Variants in PPARGC1A observed in about 807,000 individuals in gnomAD.
PPARGC1A encodes the protein PPARG coactivator 1 alpha, also known as peroxisome proliferator-activated receptor gamma coactivator 1-alpha.
Under a neutral mutation model 88.7 loss-of-function variants are expected in PPARGC1A, and 25 were observed. The observed-to-expected ratio is 0.28, with a 90% confidence interval of 0.21 to 0.39. PPARGC1A has a LOEUF of 0.39. Among genes scored for constraint, PPARGC1A ranks in the 10% least tolerant of loss-of-function variants. The pLI is 1.00. For synonymous variants in PPARGC1A, 363 were observed against 355.6 expected, an observed-to-expected ratio of 1.02 and a Z score of -0.24; for missense variants, 880 against 968.7, an observed-to-expected ratio of 0.91 and a Z score of 1.22.
the PPARGC1A span, among the ~76,000 whole-genome samples, chr4:24,284,300 C>T: frequency 3.2e-4 from 49 of 152,044 alleles, no homozygotes; most frequent in African/African-American, 1.1e-3. Context: ...CAGAGCGAGA[C>T]TCCATCTCAA....
the PPARGC1A span, among the ~76,000 whole-genome samples, chr4:24,414,859 A>G: frequency 6.6e-6 from 1 of 152,170 alleles, no homozygotes; most frequent in East Asian, 1.9e-4. Flanking sequence ...TGGCTAGAGC[A>G]CAAGCAGCCA....
At chr4:24,444,344 T>A in the PPARGC1A span, among the ~76,000 whole-genome samples, 1 of 152,104 alleles carries the variant, frequency 6.6e-6, no homozygotes, top group Non-Finnish European at 1.5e-5. Flanking sequence ...CATCAGAGGC[T>A]TTTTAAACAA....
the PPARGC1A span, among the ~76,000 whole-genome samples, chr4:24,276,835 G>C: frequency 6.6e-6 from 1 of 152,156 alleles, no homozygotes; most frequent in Non-Finnish European, 1.5e-5. Context: ...TCATAAAAGG[G>C]AAGTATGGAG....
At chr4:24,178,328 ATGTC>A in the PPARGC1A span, among the ~76,000 whole-genome samples, 4 of 152,314 alleles carry the variant, frequency 2.6e-5, no homozygotes, top group African/African-American at 9.6e-5. Context: ...CTTTAAAACA[ATGTC>A]TGTCATGAGG....
At chr4:24,122,036 G>T in the PPARGC1A span, among the ~76,000 whole-genome samples, 1 of 152,046 alleles carries the variant, frequency 6.6e-6, no homozygotes, top group South Asian at 2.1e-4. Flanking sequence ...GGATGAGCTG[G>T]ATAAACAGAA....
chr4:24,096,449 G>A, the PPARGC1A span, among the ~76,000 whole-genome samples: 2 of 152,212 alleles, frequency 1.3e-5, no homozygotes, highest in Non-Finnish European at 2.9e-5. Context: ...CTCTAGAACT[G>A]TGAGACAATA....
the PPARGC1A span, among the ~76,000 whole-genome samples, chr4:24,304,456 G>A: frequency 6.6e-6 from 1 of 152,280 alleles, no homozygotes; most frequent in East Asian, 1.9e-4. Flanking sequence ...CAGCAATCCT[G>A]TGAAGCAGGT....
At chr4:23,993,549 G>T in the PPARGC1A span, among the ~76,000 whole-genome samples, 1 of 152,046 alleles carries the variant, frequency 6.6e-6, no homozygotes, top group Non-Finnish European at 1.5e-5. Context: ...AAAATATTCT[G>T]TTCATAGTTT....
the PPARGC1A span, among the ~76,000 whole-genome samples, chr4:24,106,750 C>T: frequency 6.6e-6 from 1 of 152,212 alleles, no homozygotes; most frequent in Non-Finnish European, 1.5e-5. Flanking sequence ...TTGTCCCTTG[C>T]TTCGGTCAAT....
intron 2 of PPARGC1A, among the ~76,000 whole-genome samples, chr4:23,844,647 T>A (rs868237852): frequency 9.5e-5 from 9 of 94,464 alleles, no homozygotes; most frequent in South Asian, 6.2e-4. Context: ...ATATATCATA[T>A]TATATGATAT....
intron 10 of PPARGC1A, among the ~76,000 whole-genome samples, chr4:23,809,249 G>A (rs527407948): frequency 3.0e-4 from 45 of 152,118 alleles, no homozygotes; most frequent in African/African-American, 1.0e-3. Context: ...ATATACTTTG[G>A]GGATGCATTA....
At chr4:24,089,624 T>C in the PPARGC1A span, among the ~76,000 whole-genome samples, 1 of 151,454 alleles carries the variant, frequency 6.6e-6, no homozygotes, top group South Asian at 2.1e-4. Context: ...CATTCTCGTG[T>C]CTCAGCCTCC....
At chr4:24,289,160 C>A in the PPARGC1A span, among the ~76,000 whole-genome samples, 3 of 130,430 alleles carry the variant, frequency 2.3e-5, no homozygotes, top group Non-Finnish European at 3.1e-5. Flanking sequence ...GCGGAGGTTG[C>A]GGTGAGCCAA....
chr4:24,348,268 G>A, the PPARGC1A span, among the ~76,000 whole-genome samples: 2 of 152,196 alleles, frequency 1.3e-5, no homozygotes, highest in East Asian at 1.9e-4. Flanking sequence ...TTGTATAACC[G>A]GATCACAATG....
chr4:24,271,994 G>A, the PPARGC1A span, among the ~76,000 whole-genome samples: 1 of 152,136 alleles, frequency 6.6e-6, no homozygotes, highest in African/African-American at 2.4e-5. Flanking sequence ...AAGTGACCAA[G>A]TGTTCTATTT....
chr4:24,299,410 T>C, the PPARGC1A span, among the ~76,000 whole-genome samples: 89 of 152,280 alleles, frequency 5.8e-4, no homozygotes, highest in Admixed American at 1.0e-3. Flanking sequence ...CCTAAGCAAG[T>C]GTGACTTAGG....
At chr4:24,006,019 T>G in the PPARGC1A span, among the ~76,000 whole-genome samples, 433 of 152,056 alleles carry the variant, frequency 2.8e-3, 3 homozygotes, top group Non-Finnish European at 2.4e-3. Context: ...TAGGGTTTTG[T>G]TTTTGGTTTT....
At chr4:24,123,179 G>A in the PPARGC1A span, among the ~76,000 whole-genome samples, 1 of 152,182 alleles carries the variant, frequency 6.6e-6, no homozygotes, top group Non-Finnish European at 1.5e-5. Context: ...AATCACTGCA[G>A]CTATCCCTGA....
chr4:24,304,667 A>AGG, the PPARGC1A span, among the ~76,000 whole-genome samples: 1 of 152,136 alleles, frequency 6.6e-6, no homozygotes, highest in Non-Finnish European at 1.5e-5. Flanking sequence ...CACTTGGATG[A>AGG]CCACTTGTTT....
Sources: allele counts gnomAD v4.1 joint callset (sites outside exome capture counted in the v4.1 genomes callset), GRCh38; gene constraint gnomAD v4.1.1; transcripts MANE v1.5; gene names NCBI Gene and HGNC (gene_info 2026-07-23, HGNC 2026-07-21).